The following SLC3A2 variants were observed in gnomAD, a reference collection of about 807,000 sequenced individuals.
SLC3A2 encodes solute carrier family 3 member 2.
In SLC3A2, 32 loss-of-function variants were observed where a neutral mutation model predicts 48.5. The observed-to-expected ratio is 0.66, with a 90% CI of 0.50 to 0.89. The LOEUF (loss-of-function observed/expected upper bound fraction) is 0.89, where lower values mean the gene tolerates loss of function less well. Ranked by LOEUF, SLC3A2 falls within the 40% of genes least tolerant of loss-of-function variation. SLC3A2 has a pLI of 0.00. For missense variants in SLC3A2, 587 were observed against 680.7 expected, an observed-to-expected ratio of 0.86 and a Z score of 1.53; for synonymous variants, 277 against 288.8, an observed-to-expected ratio of 0.96 and a Z score of 0.41.
At chr11:62,880,503 C>G (rs1366846362), upstream of SLC3A2, 1 of 152,806 alleles carries the variant, frequency 6.5e-6, no homozygotes, top group African/African-American at 2.4e-5. Flanking sequence ...TTGGGAAAAC[C>G]AGACGGCGGC....
chr11:62,884,812 GCTTTTT>G, intron 5 of SLC3A2, 122 bp downstream of exon 5: 1 of 98,724 alleles, frequency 1.0e-5, no homozygotes, highest in East Asian at 2.5e-4. Flanking sequence ...TCTTTCTTTA[GCTTTTT>G]TTTTTTTTTT....
Position 62,881,052 on chromosome 11 carries a change from A to C in SLC3A2, c.29A>C (p.Lys10Thr), listed in dbSNP as rs772982523. MSQDTEVDMKEVELNELEPE... is the reference protein window; with the variant it reads MSQDTEVDMTEVELNELEPE... ...AGCCAGGACACCGAGGTGGATATGA[A>C]GGAGGTGGAGCTGAATGAGTTAGAG... Residue 10 changes from lysine (K) to threonine (T), a missense_variant, in exon 1 of 9, where the codon AAG (lysine) becomes ACG (threonine). This residue lies in a region of SLC3A2 where 409 missense variants were observed against 446.7 expected (regional missense o/e 0.92). Coordinates refer to ENST00000338663, the MANE Select transcript of SLC3A2 (RefSeq NM_001013251.3). This position sits in a 1 kb window ranked among gnomAD's most constrained non-coding sequence, Gnocchi z 4.0. 1 of 1,589,402 alleles carries C rather than the reference A, an allele frequency of 6.3e-7. No homozygotes were observed. The highest frequency in any genetic ancestry group is 8.6e-7 in the Non-Finnish European group (1 of 1,165,588).
At chr11:62,865,094 A>C (rs1481034423) in intron 1 of SLC3A2, among the ~76,000 whole-genome samples, 1 of 152,164 alleles carries the variant, frequency 6.6e-6, no homozygotes, top group Non-Finnish European at 1.5e-5. Context: ...TCTTGTGCCC[A>C]AAATCCTCAA....
chr11:62,871,388 G>A (rs1012797505), intron 1 of SLC3A2, among the ~76,000 whole-genome samples: 5 of 151,060 alleles, frequency 3.3e-5, no homozygotes, highest in South Asian at 2.1e-4. Flanking sequence ...TCAGGCACCC[G>A]CCACCATGCC....
intron 1 of SLC3A2, among the ~76,000 whole-genome samples, chr11:62,866,475 A>T (rs1443978444): frequency 6.6e-6 from 1 of 151,618 alleles, no homozygotes; most frequent in Non-Finnish European, 1.5e-5. Context: ...GGCTCACTGT[A>T]AACTCTATCT....
rs1453557385 is a variant in SLC3A2 at position 62,881,538 on chromosome 11, G to A, written c.424+91G>A. ...CCCCTGTCCCCAGACGGATCTAGAT[G>A]GTTCTTCCCTCCATCCCGTACCGAC... On this transcript the variant is annotated intron_variant, in intron 1 of 8. Transcript: ENST00000338663. The surrounding 1 kb of genome is among the most constrained non-coding windows in gnomAD (Gnocchi z 4.0). The A allele has an allele frequency of 6.9e-7, 1 of 1,458,926 alleles. No individual in the cohort carries two copies. The highest frequency in any genetic ancestry group is 2.5e-4 in the Middle Eastern group (1 of 4,030). 90.4% of individuals were successfully genotyped at this position (1,458,926 alleles called of 1,614,324 possible).
At chr11:62,865,776 G>C (rs1443854691) in intron 1 of SLC3A2, among the ~76,000 whole-genome samples, 6 of 151,930 alleles carry the variant, frequency 3.9e-5, no homozygotes, top group African/African-American at 1.5e-4. Flanking sequence ...TGAATCAAAC[G>C]CCTCATGGCT....
At chr11:62,873,317 GT>G (rs2134993990) in intron 1 of SLC3A2, among the ~76,000 whole-genome samples, 1 of 151,890 alleles carries the variant, frequency 6.6e-6, no homozygotes, top group South Asian at 2.1e-4. Flanking sequence ...GTGAAACCCC[GT>G]CTCTACTAAA....
chr11:62,884,171 T>C, intron 3 of SLC3A2: 1 of 556,422 alleles, frequency 1.8e-6, no homozygotes, highest in Non-Finnish European at 3.3e-6. Flanking sequence ...ACATACCTTT[T>C]CTCTGGGGCC....
At chr11:62,884,349 C>G in intron 3 of SLC3A2, 108 bp from the exon 4 acceptor site, 1 of 1,255,118 alleles carries the variant, frequency 8.0e-7, no homozygotes, top group Non-Finnish European at 1.2e-6. Flanking sequence ...CAGGACTCTC[C>G]CCAGCTCCCG....
intron 1 of SLC3A2, among the ~76,000 whole-genome samples, chr11:62,865,623 G>A (rs1240126053): frequency 6.7e-6 from 1 of 150,194 alleles, no homozygotes; most frequent in African/African-American, 2.4e-5. Context: ...GATTTTGCCT[G>A]TTTATTGTGG....
chr11:62,885,183 G>A lies in SLC3A2; in HGVS notation c.825G>A (p.Leu275=), dbSNP rs145344129. 1.0e-4 allele frequency: 162 copies of A among 1,613,890 alleles called. No individual in the cohort carries two copies. Among genetic ancestry groups the A allele is most frequent in the Non-Finnish European group, 1.3e-4 (156 of 1,180,008 alleles). Residue 275 remains leucine (L), a synonymous_variant, in exon 6 of 9, where the codon TTG becomes TTA. Transcript: ENST00000338663. ...ITKGFSEDRL[L]IAGTNSSDLQ... ...TCCTCCCTCCCCTCTGCAGGCTCTTGATTGCGGGGACTAACTCCTCCGACC... is the reference window on the plus strand; with the variant it reads ...TCCTCCCTCCCCTCTGCAGGCTCTTAATTGCGGGGACTAACTCCTCCGACC...
At chr11:62,876,855 G>A, upstream of SLC3A2, 2 of 999,746 alleles carry the variant, frequency 2.0e-6, no homozygotes, top group South Asian at 2.0e-5. Context: ...GACTGCCTCG[G>A]CCTCCGGAAG....
chr11:62,876,608 AT>A (rs1344317888), upstream of SLC3A2, among the ~76,000 whole-genome samples: 10 of 150,704 alleles, frequency 6.6e-5, no homozygotes, highest in Non-Finnish European at 5.9e-5. Flanking sequence ...TATATTTTAT[AT>A]TATTTTTTTG....
Position 62,880,988 on chromosome 11 carries a change from C to T in SLC3A2, c.-36C>T, listed in dbSNP as rs752802782. On this transcript the variant is annotated 5_prime_UTR_variant, in exon 1 of 9. Coordinates refer to ENST00000338663, the MANE Select transcript of SLC3A2 (RefSeq NM_001013251.3). ...GGTAGGGGTTGAGCCACCATCTGAC[C>T]GCAAGCTGCGTCGTGTCGCCGGTTC... 4.6e-6 allele frequency: 7 copies of T among 1,535,322 alleles called. No homozygotes were observed. The highest frequency in any genetic ancestry group is 1.4e-5 in the African/African-American group (1 of 73,020).
intron 1 of SLC3A2, among the ~76,000 whole-genome samples, chr11:62,863,618 T>C (rs890282389): frequency 1.4e-4 from 21 of 152,250 alleles, no homozygotes; most frequent in African/African-American, 5.1e-4. Context: ...TACCTGCTCA[T>C]GCAATGTACT....
intron 1 of SLC3A2, among the ~76,000 whole-genome samples, chr11:62,863,502 C>T (rs2085422876): frequency 6.6e-6 from 1 of 152,128 alleles, no homozygotes; most frequent in South Asian, 2.1e-4. Context: ...TATACCTGGC[C>T]CAACATAAAT....
intron 3 of SLC3A2, chr11:62,884,133 T>C: frequency 1.9e-6 from 1 of 515,692 alleles, no homozygotes; most frequent in Non-Finnish European, 3.7e-6. Flanking sequence ...ATTCCAATGC[T>C]AAGTGTTAAA....
intron 1 of SLC3A2, chr11:62,871,483 G>T: frequency 2.4e-6 from 1 of 425,230 alleles, no homozygotes; most frequent in Non-Finnish European, 4.1e-6. Flanking sequence ...CAGGTTATCC[G>T]CCCGTCTCGG....
Sources: gnomAD v4.1 joint callset for allele counts (sites outside exome capture counted in the v4.1 genomes callset) on GRCh38, gnomAD v4.1.1 for gene constraint, gnomAD v4.1.1 regional missense constraint, Gnocchi (gnomAD v3.1) non-coding constraint, MANE v1.5 for transcripts, NCBI Gene and HGNC (gene_info 2026-07-23, HGNC 2026-07-21) for gene names.